RNF213: variants seen among roughly 807,000 people sequenced by gnomAD.
RNF213 encodes the protein ring finger protein 213.
A neutral mutation model predicts 514.4 loss-of-function variants in RNF213; 341 were observed. That is an observed-to-expected ratio of 0.66 (90% confidence interval 0.61 to 0.73). The LOEUF (loss-of-function observed/expected upper bound fraction) is 0.73, where lower values mean the gene tolerates loss of function less well. RNF213 is among the 30% of genes least tolerant of loss of function. RNF213 has a pLI of 0.00. For synonymous variants in RNF213, 2,655 were observed against 2,658.2 expected (o/e 1.00, Z 0.04); for missense variants, 5,767 against 6,615.6 (o/e 0.87, Z 4.45).
At position 80,358,461 on chromosome 17, in the gene RNF213, T is replaced by C. The variant is rs2078915144; in HGVS notation, c.11036T>C (p.Leu3679Pro). The change falls in exon 37 of 68, where the codon CTT (leucine) becomes CCT (proline). Residue 3679 changes from leucine to proline, a missense_variant. Coordinates refer to ENST00000582970, the MANE Select transcript of RNF213 (RefSeq NM_001256071.3). ...GACACGATGCTTCTGAACATTCCTC[T>C]TGTGATGAATAATGAAAGGTGAGTG... ...FSDTMLLNIP[L>P]VMNNERHKGE... 1 of 1,613,856 alleles carries C rather than the reference T, an allele frequency of 6.2e-7. No individual in the cohort carries two copies. Among genetic ancestry groups the C allele is most frequent in the Non-Finnish European group, 8.5e-7 (1 of 1,179,854 alleles).
rs1212718592 is a variant in RNF213 at position 80,347,865 on chromosome 17, A to G, written c.9530A>G (p.Asn3177Ser). The G allele has an allele frequency of 3.7e-6, 6 of 1,614,246 alleles. No homozygotes were observed. Among genetic ancestry groups the G allele is most frequent in the Non-Finnish European group, 5.1e-6 (6 of 1,180,050 alleles). ...NRLEKHYLDINTVLEKWQKSI... is the reference protein window; with the variant it reads ...NRLEKHYLDISTVLEKWQKSI... ...CTGGAGAAGCACTATCTGGATATCA[A>G]CACGGTGCTGGAGAAATGGCAGAAG... The change falls in exon 29 of 68, where the codon AAC (asparagine) becomes AGC (serine). Residue 3177 changes from asparagine to serine, a missense_variant. Physicochemically the swap from Asn to Ser is conservative, Grantham distance 46 (BLOSUM62 1). Transcript: ENST00000582970. This position sits in a 1 kb window ranked among gnomAD's most constrained non-coding sequence, Gnocchi z 7.2.
intron 14 of RNF213, among the ~76,000 whole-genome samples, chr17:80,311,024 A>C (rs973131800): frequency 3.3e-5 from 5 of 152,196 alleles, no homozygotes; most frequent in Non-Finnish European, 7.3e-5. Flanking sequence ...AGTGGCTGCT[A>C]TTTAAACCGC....
intron 29 of RNF213, 26 bp from the exon 30 acceptor site, chr17:80,349,744 G>T: frequency 1.2e-6 from 2 of 1,613,714 alleles, no homozygotes. Context: ...AGTCTGGCAA[G>T]TAATTTGCAT....
At chr17:80,387,259 C>T (rs2080273906) in intron 63 of RNF213, among the ~76,000 whole-genome samples, 2 of 152,214 alleles carry the variant, frequency 1.3e-5, no homozygotes, top group African/African-American at 4.8e-5. Context: ...GTGTGCACCA[C>T]CATGCCCAGC....
Position 80,338,005 on chromosome 17 carries a change from C to T in RNF213, c.4833+8C>T, listed in dbSNP as rs777948694. On this transcript the variant is annotated splice_region_variant and intron_variant, in intron 25 of 67. Transcript: ENST00000582970. Reference sequence around the variant, plus strand: ...GTGGAGAGGTTTTCAGAGGTGAGGGCGCATCTTTGCAGTGGCGCTAAGCTG... The same window carrying T: ...GTGGAGAGGTTTTCAGAGGTGAGGGTGCATCTTTGCAGTGGCGCTAAGCTG... 32 of 1,537,102 alleles carry T rather than the reference C, an allele frequency of 2.1e-5. No individual in the cohort carries two copies. In the East Asian group the frequency reaches 3.9e-4, roughly 19 times the overall value.
chr17:80,321,425 A>G (rs1006527414), intron 17 of RNF213: 4 of 152,186 alleles, frequency 2.6e-5, no homozygotes, highest in African/African-American at 9.7e-5. Context: ...ACGGCCATCT[A>G]TGTTGCTTCT....
intron 29 of RNF213, among the ~76,000 whole-genome samples, chr17:80,349,207 G>T (rs768527490): frequency 2.6e-5 from 4 of 152,196 alleles, no homozygotes; most frequent in Non-Finnish European, 5.9e-5. Flanking sequence ...GGTTGTGGGA[G>T]GCTAGTGATG....
chr17:80,360,201 CAGA>C lies in RNF213; in HGVS notation c.11198_11200del (p.Glu3733del), dbSNP rs1220770691. 5.0e-6 allele frequency: 8 copies of C among 1,612,516 alleles called. No homozygotes were observed. Among genetic ancestry groups the C allele is most frequent in the East Asian group, 2.2e-5 (1 of 44,866 alleles). The stretch of plus-strand genomic sequence containing the variant: ...GTCCAGGCTCAGTACATCACAGACG[CAGA>C]AGGTGAGGCTACCTCAAGACAGGTC... On this transcript the variant is annotated inframe_deletion and splice_region_variant, in exon 38 of 68. Transcript: ENST00000582970.
chr17:80,354,244 T>A, intron 35 of RNF213, 78 bp downstream of exon 35: 2 of 1,545,600 alleles, frequency 1.3e-6, no homozygotes, highest in Non-Finnish European at 1.8e-6. Context: ...TCACTGTGTG[T>A]TGGGGGACAC....
At position 80,313,149 on chromosome 17, in the gene RNF213, A is replaced by G. The variant is rs2045628485; in HGVS notation, c.2793A>G (p.Thr931=). Reference sequence around the variant, plus strand: ...TCACATCTTCAGGTGCCTCATTCACATACGTCAAGGAAATTGAGGTAGGCA... The same window carrying G: ...TCACATCTTCAGGTGCCTCATTCACGTACGTCAAGGAAATTGAGGTAGGCA... The part of the protein sequence containing the change: ...NMLTSSGASF[T]YVKEIEVWRR... Residue 931 remains threonine, a synonymous_variant, in exon 15 of 68, where the codon ACA becomes ACG. Coordinates refer to ENST00000582970, the MANE Select transcript of RNF213 (RefSeq NM_001256071.3). 2 of 1,613,990 alleles carry G rather than the reference A, an allele frequency of 1.2e-6. No homozygotes were observed. Among genetic ancestry groups the G allele is most frequent in the African/African-American group, 2.7e-5 (2 of 74,942 alleles).
chr17:80,327,990 G>C lies in RNF213; in HGVS notation c.3367+1G>C. ...CAGTTTCTTGACATCTGGCAACTGAGTAAGCATCGAGTCGATACGCACTTC... is the reference window on the plus strand; with the variant it reads ...CAGTTTCTTGACATCTGGCAACTGACTAAGCATCGAGTCGATACGCACTTC... On this transcript the variant is annotated splice_donor_variant, in intron 19 of 67. Transcript: ENST00000582970. LOFTEE classifies it high-confidence loss of function. The C allele has an allele frequency of 6.5e-7, 1 of 1,537,298 alleles. No individual in the cohort carries two copies. The highest frequency in any genetic ancestry group is 8.7e-7 in the Non-Finnish European group (1 of 1,146,906).
At chr17:80,365,788 T>C (rs114903270) in intron 42 of RNF213, among the ~76,000 whole-genome samples, 1,687 of 152,264 alleles carry the variant, frequency 0.011, 32 homozygotes, top group African/African-American at 0.038. Context: ...AGTCTCATCA[T>C]GTCTCGGCGC....
Position 80,345,712 on chromosome 17 carries a change from G to C in RNF213, c.7377G>C (p.Met2459Ile). The C allele has an allele frequency of 6.2e-7, 1 of 1,614,238 alleles. No individual in the cohort carries two copies. Among genetic ancestry groups the C allele is most frequent in the Non-Finnish European group, 8.5e-7 (1 of 1,180,054 alleles). The change falls in exon 29 of 68, where the codon ATG becomes ATC. Residue 2459 changes from methionine to isoleucine, a missense_variant. Physicochemically the swap from Met to Ile is conservative, Grantham distance 10. Coordinates refer to ENST00000582970, the MANE Select transcript of RNF213 (RefSeq NM_001256071.3). This position sits in a 1 kb window ranked among gnomAD's most constrained non-coding sequence, Gnocchi z 6.0. ...TGCACGGAGGAACAACTGCAGACAT[G>C]ATCTACTCCAGAGTCAGGGAGGCTG... is the stretch of plus-strand genomic sequence containing the variant. ...VKVHGGTTAD[M>I]IYSRVREAEN...
chr17:80,364,674 C>A, intron 42 of RNF213, 121 bp downstream of exon 42: 1 of 1,217,448 alleles, frequency 8.2e-7, no homozygotes, highest in Non-Finnish European at 1.2e-6. Context: ...TTTGTCTAGA[C>A]ATGCAAAGGA....
chr17:80,274,343 C>T (rs550417674), intron 3 of RNF213, among the ~76,000 whole-genome samples: 5 of 151,094 alleles, frequency 3.3e-5, no homozygotes, highest in South Asian at 2.1e-4. Flanking sequence ...GCGAGGCTTT[C>T]GAGGGGAGCG....
Position 80,287,835 on chromosome 17 carries a change from G to GAAGAAA in RNF213, c.288_293dup (p.Lys97_Lys98dup). On this transcript the variant is annotated inframe_insertion, in exon 4 of 68. Coordinates refer to ENST00000582970, the MANE Select transcript of RNF213 (RefSeq NM_001256071.3). ...TTTAGAGCAAAAAGAAGAAAAGGAAGAAGAAAAAGAAGGGGAACAAGTCCG... is the reference window on the plus strand; with the variant it reads ...TTTAGAGCAAAAAGAAGAAAAGGAAGAAGAAAAAGAAAAAGAAGGGGAACAAGTCCG... 1 of 1,611,778 alleles carries GAAGAAA rather than the reference G, an allele frequency of 6.2e-7. No homozygotes were observed. Among genetic ancestry groups the GAAGAAA allele is most frequent in the Non-Finnish European group, 8.5e-7 (1 of 1,178,746 alleles).
chr17:80,358,817 G>A (rs1011662929), intron 37 of RNF213, among the ~76,000 whole-genome samples: 2 of 152,198 alleles, frequency 1.3e-5, no homozygotes, highest in Admixed American at 1.3e-4. Flanking sequence ...GCTGAGGCAG[G>A]AGAATTGCTT....
Position 80,363,561 on chromosome 17 carries a change from C to T in RNF213, c.11569-48C>T, listed in dbSNP as rs548770284. ...CTAACAGCCGGGGCCTCTGGTGGGC[C>T]GGTGGGAGGGGCACCGCTCAGCCAC... On this transcript the variant is annotated intron_variant, in intron 40 of 67. Transcript: ENST00000582970. 136 of 1,602,334 alleles carry T rather than the reference C, an allele frequency of 8.5e-5. 1 individual carries two copies. In the East Asian group the frequency reaches 2.0e-3, roughly 23 times the overall value.
chr17:80,374,040 C>T (rs1162314246), intron 49 of RNF213, among the ~76,000 whole-genome samples: 1 of 151,482 alleles, frequency 6.6e-6, no homozygotes, highest in Non-Finnish European at 1.5e-5. Flanking sequence ...TTCAAGGCCT[C>T]TCAGTGGTCC....
Sources: gnomAD v4.1 joint callset for allele counts (sites outside exome capture counted in the v4.1 genomes callset) on GRCh38, gnomAD v4.1.1 for gene constraint, Gnocchi (gnomAD v3.1) non-coding constraint, MANE v1.5 for transcripts, NCBI Gene and HGNC (gene_info 2026-07-23, HGNC 2026-07-21) for gene names.